Variants in RBFOX1 observed in about 807,000 individuals in gnomAD.
RBFOX1 encodes RNA binding fox-1 homolog 1.
A neutral mutation model predicts 57.7 loss-of-function variants in RBFOX1; 8 were observed. The observed-to-expected ratio is 0.14, with a 90% CI of 0.08 to 0.25. The LOEUF (loss-of-function observed/expected upper bound fraction) is 0.25. Among genes scored for constraint, RBFOX1 ranks in the 10% least tolerant of loss-of-function variants. The probability of loss-of-function intolerance (pLI) is 1.00; values close to 1 mark genes in which losing one functional copy is unlikely to be tolerated. For synonymous variants in RBFOX1, 326 were observed against 222.4 expected (o/e 1.47, Z -4.15); for missense variants, 611 against 548.5 (o/e 1.11, Z -1.14).
chr16:6,803,739 A>G (rs540876514), intron 3 of RBFOX1, among the ~76,000 whole-genome samples: 61 of 152,178 alleles, frequency 4.0e-4, no homozygotes, highest in Non-Finnish European at 2.9e-4. Context: ...GCTTAAGAGT[A>G]ATTCTGAGAA....
chr16:6,744,411 C>T (rs990093996), intron 3 of RBFOX1, among the ~76,000 whole-genome samples: 2 of 151,934 alleles, frequency 1.3e-5, no homozygotes, highest in Admixed American at 6.6e-5. Context: ...TTTTCAAGTA[C>T]ATAAGGAAAT....
chr16:5,711,274 T>C (rs1220911439), intron 3 of RBFOX1, among the ~76,000 whole-genome samples: 1 of 152,212 alleles, frequency 6.6e-6, no homozygotes, highest in Non-Finnish European at 1.5e-5. Flanking sequence ...GTATTAGTCA[T>C]TGTTATCTAC....
chr16:7,192,679 A>G (rs2085717461), intron 4 of RBFOX1, among the ~76,000 whole-genome samples: 1 of 152,210 alleles, frequency 6.6e-6, no homozygotes, highest in African/African-American at 2.4e-5. Flanking sequence ...CCTGGTACCC[A>G]TCATTGTATT....
intron 3 of RBFOX1, among the ~76,000 whole-genome samples, chr16:5,627,138 GA>G (rs963695633): frequency 6.6e-6 from 1 of 152,102 alleles, no homozygotes; most frequent in Non-Finnish European, 1.5e-5. Flanking sequence ...TTAAGATGCT[GA>G]AAAAATCCAC....
chr16:7,228,429 C>G (rs966168881), intron 4 of RBFOX1, among the ~76,000 whole-genome samples: 1 of 152,120 alleles, frequency 6.6e-6, no homozygotes, highest in African/African-American at 2.4e-5. Flanking sequence ...CATTATGGCT[C>G]TCTTAATCAG....
chr16:7,364,699 T>C (rs917689019), intron 4 of RBFOX1, among the ~76,000 whole-genome samples: 1 of 152,126 alleles, frequency 6.6e-6, no homozygotes, highest in Non-Finnish European at 1.5e-5. Flanking sequence ...ACTTTTTCTA[T>C]CATCAGATCT....
chr16:7,204,141 A>G (rs12923995), intron 4 of RBFOX1, among the ~76,000 whole-genome samples: 2 of 152,226 alleles, frequency 1.3e-5, no homozygotes, highest in Non-Finnish European at 2.9e-5. Flanking sequence ...GTATCTGCAG[A>G]TACCTGCCAG....
chr16:6,108,255 G>A (rs146818362), intron 1 of RBFOX1, among the ~76,000 whole-genome samples: 91 of 152,240 alleles, frequency 6.0e-4, no homozygotes, highest in African/African-American at 2.2e-3. Flanking sequence ...TCAGGGTAGT[G>A]TAGCAGAGTG....
chr16:7,497,730 A>G (rs749763989), intron 4 of RBFOX1, among the ~76,000 whole-genome samples: 1 of 152,214 alleles, frequency 6.6e-6, no homozygotes, highest in Non-Finnish European at 1.5e-5. Flanking sequence ...TGAGACTTTT[A>G]AAAAGAACTA....
chr16:7,649,075 C>G (rs1158685), intron 11 of RBFOX1, among the ~76,000 whole-genome samples: 94,871 of 151,836 alleles, frequency 0.62, 30,040 homozygotes, highest in East Asian at 0.94. Context: ...AATTCGGGGC[C>G]AGTCCACAGT....
chr16:5,430,565 C>T (rs74377297), intron 1 of RBFOX1, among the ~76,000 whole-genome samples: 1,594 of 152,168 alleles, frequency 0.01, 34 homozygotes, highest in African/African-American at 0.036. Context: ...TGAACCTGTC[C>T]AGGATTTAAA....
chr16:6,297,484 A>T (rs2078261893), intron 1 of RBFOX1, among the ~76,000 whole-genome samples: 1 of 152,088 alleles, frequency 6.6e-6, no homozygotes, highest in South Asian at 2.1e-4. Flanking sequence ...CATTTTATAA[A>T]ATGCCTGTGA....
At chr16:7,370,839 C>G (rs897809258) in intron 4 of RBFOX1, among the ~76,000 whole-genome samples, 1 of 152,122 alleles carries the variant, frequency 6.6e-6, no homozygotes, top group African/African-American at 2.4e-5. Flanking sequence ...CTTTGGTAGG[C>G]ATGATTAATT....
chr16:5,539,596 C>G (rs1968904), intron 2 of RBFOX1, among the ~76,000 whole-genome samples: 112,461 of 151,854 alleles, frequency 0.74, 42,079 homozygotes, highest in East Asian at 0.99. Flanking sequence ...GCGAGACTCT[C>G]TCTCAAAAAA....
intron 3 of RBFOX1, among the ~76,000 whole-genome samples, chr16:5,817,182 G>A (rs1198699270): frequency 6.6e-6 from 1 of 152,154 alleles, no homozygotes; most frequent in African/African-American, 2.4e-5. Context: ...ATCTCTCTGT[G>A]TGTGTGTGTT....
intron 3 of RBFOX1, among the ~76,000 whole-genome samples, chr16:5,730,382 G>A (rs966400015): frequency 2.9e-4 from 44 of 152,176 alleles, no homozygotes; most frequent in African/African-American, 1.0e-3. Context: ...GAGCCGGCAA[G>A]CACCGTCTCC....
At chr16:7,497,449 C>T (rs1225456199) in intron 4 of RBFOX1, among the ~76,000 whole-genome samples, 1 of 152,150 alleles carries the variant, frequency 6.6e-6, no homozygotes, top group African/African-American at 2.4e-5. Context: ...TCTTTGCCCC[C>T]TATAATAATT....
At chr16:6,568,872 G>C (rs552920871) in intron 2 of RBFOX1, among the ~76,000 whole-genome samples, 10 of 152,058 alleles carry the variant, frequency 6.6e-5, no homozygotes. Flanking sequence ...GGGTTTAAGC[G>C]ATTATCCTGC....
chr16:5,856,162 T>TCC (rs1219759162), intron 3 of RBFOX1, among the ~76,000 whole-genome samples: 2 of 56,678 alleles, frequency 3.5e-5, no homozygotes, highest in African/African-American at 1.3e-4. Context: ...TCTCTCTCTC[T>TCC]CTCTCTCTCT....
Sources: gnomAD v4.1 joint callset for allele counts (sites outside exome capture counted in the v4.1 genomes callset) on GRCh38, gnomAD v4.1.1 for gene constraint, MANE v1.5 for transcripts, NCBI Gene and HGNC (gene_info 2026-07-23, HGNC 2026-07-21) for gene names.